SPATA17: variants seen among roughly 807,000 people sequenced by gnomAD.
The protein encoded by SPATA17 is spermatogenesis associated 17, also known as spermatogenesis-associated protein 17.
Under a neutral mutation model 62.2 loss-of-function variants are expected in SPATA17, and 53 were observed. The ratio of observed to expected loss-of-function variants is 0.85; its 90% CI spans 0.68 to 1.07. The LOEUF is 1.07. SPATA17 is among the 50% of genes least tolerant of loss of function. SPATA17 has a pLI of 0.00. For synonymous variants in SPATA17, 146 were observed against 146.8 expected, an observed-to-expected ratio of 0.99 and a Z score of 0.04; for missense variants, 466 against 425.5, an observed-to-expected ratio of 1.10 and a Z score of -0.84.
chr1:217,818,647 C>T (rs1274938424), intron 9 of SPATA17, among the ~76,000 whole-genome samples: 8 of 152,032 alleles, frequency 5.3e-5, no homozygotes, highest in African/African-American at 1.9e-4. Flanking sequence ...TGATGGCTTA[C>T]AGTTTATCAT....
intron 5 of SPATA17, among the ~76,000 whole-genome samples, chr1:217,697,424 T>C (rs1174348289): frequency 6.6e-6 from 1 of 152,218 alleles, no homozygotes; most frequent in Admixed American, 6.5e-5. Context: ...GAACAGCTAA[T>C]TTGCAATCCT....
intron 9 of SPATA17, among the ~76,000 whole-genome samples, chr1:217,855,968 G>GC (rs543057981): frequency 9.3e-4 from 141 of 151,816 alleles, no homozygotes; most frequent in African/African-American, 3.2e-3. Flanking sequence ...CTCGTGTTCT[G>GC]CCCCCCTGAA....
At chr1:217,645,361 G>T (rs1304738482) in intron 1 of SPATA17, among the ~76,000 whole-genome samples, 1 of 151,966 alleles carries the variant, frequency 6.6e-6, no homozygotes, top group Admixed American at 6.6e-5. Flanking sequence ...ATAAATAAAG[G>T]GTGAGTTCCT....
At chr1:217,849,778 C>A (rs1391246176) in intron 9 of SPATA17, among the ~76,000 whole-genome samples, 1 of 152,018 alleles carries the variant, frequency 6.6e-6, no homozygotes, top group African/African-American at 2.4e-5. Context: ...GTGTTAGAAC[C>A]TGGAGGGAGC....
At position 217,663,131 on chromosome 1, in the gene SPATA17, G is replaced by GA. The variant is rs997843121; in HGVS notation, c.241-5896dup. On this transcript the variant is annotated intron_variant, in intron 3 of 10. Transcript: ENST00000366933. ...AATTGGCTTTTAATTCTTTTTTATG[G>GA]AAAAAATGATATTTTAAAAATGAAC... Among the ~76,000 whole-genome samples, 47 of 151,974 alleles carry GA rather than the reference G, an allele frequency of 3.1e-4. 1 individual carries two copies. The highest frequency in any genetic ancestry group is 1.1e-3 in the African/African-American group (47 of 41,442).
At chr1:217,777,984 CT>C (rs1673633763) in intron 7 of SPATA17, among the ~76,000 whole-genome samples, 1 of 151,742 alleles carries the variant, frequency 6.6e-6, no homozygotes, top group African/African-American at 2.4e-5. Flanking sequence ...TGAATTTTTG[CT>C]ATTTTGAATT....
intron 6 of SPATA17, among the ~76,000 whole-genome samples, chr1:217,773,466 T>G (rs1464309864): frequency 6.6e-6 from 1 of 152,178 alleles, no homozygotes; most frequent in Non-Finnish European, 1.5e-5. Flanking sequence ...ATATCAAAGA[T>G]TGGTATCTAA....
intron 10 of SPATA17, among the ~76,000 whole-genome samples, chr1:217,865,287 C>T (rs1232070533): frequency 1.3e-5 from 2 of 152,154 alleles, no homozygotes; most frequent in East Asian, 1.9e-4. Context: ...CACCCGACAT[C>T]GCCTTTTACA....
chr1:217,697,452 C>T (rs1571738798), intron 5 of SPATA17, among the ~76,000 whole-genome samples: 1 of 152,258 alleles, frequency 6.6e-6, no homozygotes, highest in East Asian at 1.9e-4. Flanking sequence ...GCGGAAGTCT[C>T]ATTTCTTCTT....
intron 9 of SPATA17, among the ~76,000 whole-genome samples, chr1:217,836,484 G>C (rs1015499335): frequency 1.3e-5 from 2 of 152,082 alleles, no homozygotes; most frequent in Non-Finnish European, 2.9e-5. Context: ...GAATGCTGAA[G>C]GGAAATGTTA....
intron 2 of SPATA17, among the ~76,000 whole-genome samples, 191 bp downstream of exon 2, chr1:217,649,162 T>C (rs1670252657): frequency 6.6e-6 from 1 of 152,138 alleles, no homozygotes; most frequent in Non-Finnish European, 1.5e-5. Context: ...AACTAAATTA[T>C]ATGGACTGTA....
intron 9 of SPATA17, among the ~76,000 whole-genome samples, chr1:217,861,937 A>C (rs56360121): frequency 0.023 from 3,470 of 152,242 alleles, 65 homozygotes; most frequent in Non-Finnish European, 0.032. Context: ...GGAGACCGTG[A>C]TCTCTAGTGA....
At chr1:217,698,653 C>T (rs1017766118) in intron 5 of SPATA17, among the ~76,000 whole-genome samples, 3 of 151,508 alleles carry the variant, frequency 2.0e-5, no homozygotes, top group Non-Finnish European at 1.5e-5. Flanking sequence ...TACAATATCA[C>T]AGCCAGGATG....
chr1:217,771,596 G>A (rs1439727659), intron 6 of SPATA17, among the ~76,000 whole-genome samples: 1 of 152,078 alleles, frequency 6.6e-6, no homozygotes, highest in Non-Finnish European at 1.5e-5. Context: ...GTGCTGGACT[G>A]TTTTTATTGA....
intron 5 of SPATA17, among the ~76,000 whole-genome samples, chr1:217,699,153 A>G (rs1671533267): frequency 6.6e-6 from 1 of 152,212 alleles, no homozygotes; most frequent in Non-Finnish European, 1.5e-5. Flanking sequence ...TTATGAATGA[A>G]GCTACTACAA....
At chr1:217,665,715 T>C (rs1670679651) in intron 3 of SPATA17, among the ~76,000 whole-genome samples, 1 of 152,170 alleles carries the variant, frequency 6.6e-6, no homozygotes, top group Non-Finnish European at 1.5e-5. Flanking sequence ...AGGACGTCAG[T>C]TATAAATAAT....
chr1:217,687,177 A>T (rs1263695640), intron 5 of SPATA17, among the ~76,000 whole-genome samples: 1 of 152,168 alleles, frequency 6.6e-6, no homozygotes, highest in East Asian at 1.9e-4. Flanking sequence ...TAGTAATTAA[A>T]ACATTTAGTC....
intron 9 of SPATA17, among the ~76,000 whole-genome samples, chr1:217,836,830 C>T (rs10495081): frequency 0.67 from 102,299 of 151,962 alleles, 35,366 homozygotes; most frequent in Non-Finnish European, 0.75. Flanking sequence ...GTACAATTTT[C>T]ACTACTCAAG....
At chr1:217,689,221 C>CT (rs200885875) in intron 5 of SPATA17, among the ~76,000 whole-genome samples, 52,836 of 100,948 alleles carry the variant, frequency 0.52, 15,230 homozygotes, top group Non-Finnish European at 0.57. Flanking sequence ...TTTATTATGT[C>CT]TTTTTTTTTT....
Sources: allele counts gnomAD v4.1 joint callset (sites outside exome capture counted in the v4.1 genomes callset), GRCh38; gene constraint gnomAD v4.1.1; transcripts MANE v1.5; gene names NCBI Gene and HGNC (gene_info 2026-07-23, HGNC 2026-07-21).